The following PRKN variants were observed in gnomAD, a reference collection of about 807,000 sequenced individuals.
The protein encoded by PRKN is E3 ubiquitin-protein ligase parkin.
A neutral mutation model predicts 59.5 loss-of-function variants in PRKN; 56 were observed. The observed-to-expected ratio is 0.94, with a 90% CI of 0.76 to 1.18. The LOEUF is 1.18. PRKN is among the 50% of genes most tolerant of loss of function. The pLI is 0.00. For synonymous variants in PRKN, 250 were observed against 222.1 expected, an observed-to-expected ratio of 1.13 and a Z score of -1.12; for missense variants, 657 against 596.4, an observed-to-expected ratio of 1.10 and a Z score of -1.06.
At chr6:162,094,603 G>C (rs1425289204) in intron 4 of PRKN, among the ~76,000 whole-genome samples, 1 of 152,102 alleles carries the variant, frequency 6.6e-6, no homozygotes, top group Non-Finnish European at 1.5e-5. Context: ...GAAGGACTTT[G>C]AATGTTTCTC....
intron 6 of PRKN, among the ~76,000 whole-genome samples, chr6:161,822,118 TA>T (rs1432508974): frequency 1.9e-5 from 2 of 107,488 alleles, no homozygotes; most frequent in Admixed American, 1.7e-4. Flanking sequence ...TGTTCTCTAA[TA>T]TTCACTCACT....
In PRKN at chr6:161,498,279, G is replaced by C. The variant is rs974718618; in HGVS notation, c.1083+50575C>G. Reference sequence around the variant, plus strand: ...TATTAATTAATAAATGGAATATTTAGCTTTTTATAATTAGTGTTTGTATTT... The same window carrying C: ...TATTAATTAATAAATGGAATATTTACCTTTTTATAATTAGTGTTTGTATTT... On this transcript the variant is annotated intron_variant, in intron 9 of 11. Transcript: ENST00000366898. This position sits in a 1 kb window ranked among gnomAD's most constrained non-coding sequence, Gnocchi z 4.2. Among the ~76,000 whole-genome samples, 4 of 152,062 alleles carry C rather than the reference G, an allele frequency of 2.6e-5. No homozygotes were observed. Among genetic ancestry groups the C allele is most frequent in the Admixed American group, 1.3e-4 (2 of 15,256 alleles).
At chr6:161,631,793 A>ACACCCC (rs151114616) in intron 7 of PRKN, among the ~76,000 whole-genome samples, 6 of 147,186 alleles carry the variant, frequency 4.1e-5, no homozygotes, top group Admixed American at 1.3e-4. Flanking sequence ...ACACACACAC[A>ACACCCC]CCCCACACAC....
chr6:161,931,851 G>A (rs1436533845), intron 6 of PRKN, among the ~76,000 whole-genome samples: 1 of 152,150 alleles, frequency 6.6e-6, no homozygotes, highest in Non-Finnish European at 1.5e-5. Flanking sequence ...TAAAATGTTG[G>A]AGGAGAATTT....
At position 161,400,942 on chromosome 6, in the gene PRKN, G is replaced by T. The variant is rs956533713; in HGVS notation, c.1084-14065C>A. 5.3e-5 allele frequency among the ~76,000 whole-genome samples: 8 copies of T among 152,258 alleles called. No individual in the cohort carries two copies. Among genetic ancestry groups the T allele is most frequent in the Admixed American group, 4.6e-4 (7 of 15,294 alleles). ...ACACTTTGTCAAATCTTGGACCAGG[G>T]ACAGATAGCGTCCAGGCCATTACTC... is the stretch of plus-strand genomic sequence containing the variant. On this transcript the variant is annotated intron_variant, in intron 9 of 11. Coordinates refer to ENST00000366898, the MANE Select transcript of PRKN (RefSeq NM_004562.3). The surrounding 1 kb of genome is among the most constrained non-coding windows in gnomAD (Gnocchi z 4.2).
At chr6:162,656,275 C>T (rs897899408) in intron 1 of PRKN, among the ~76,000 whole-genome samples, 1 of 152,174 alleles carries the variant, frequency 6.6e-6, no homozygotes, top group African/African-American at 2.4e-5. Flanking sequence ...ACTTTTAAGT[C>T]AAATTGTTGA....
intron 7 of PRKN, among the ~76,000 whole-genome samples, chr6:161,732,161 G>A (rs1476166329): frequency 3.3e-5 from 5 of 150,776 alleles, no homozygotes; most frequent in South Asian, 4.2e-4. Flanking sequence ...ATCTCAGCAC[G>A]CTGGAACCTC....
chr6:162,359,631 T>A (rs1440201644), intron 2 of PRKN, among the ~76,000 whole-genome samples: 7 of 152,114 alleles, frequency 4.6e-5, no homozygotes, highest in African/African-American at 9.7e-5. Context: ...AGTGATCTTA[T>A]TTCCTGCATT....
At chr6:161,755,643 A>G (rs899693910) in intron 7 of PRKN, among the ~76,000 whole-genome samples, 4 of 152,154 alleles carry the variant, frequency 2.6e-5, no homozygotes, top group African/African-American at 9.7e-5. Flanking sequence ...CATTACTTTC[A>G]TTATGAAACA....
chr6:162,535,965 A>T (rs1305066876), intron 1 of PRKN, among the ~76,000 whole-genome samples: 3 of 152,040 alleles, frequency 2.0e-5, no homozygotes, highest in Admixed American at 6.6e-5. Flanking sequence ...GATGTACTGA[A>T]AACCATCTCC....
At chr6:161,863,367 C>A (rs1029505559) in intron 6 of PRKN, among the ~76,000 whole-genome samples, 6 of 150,850 alleles carry the variant, frequency 4.0e-5, no homozygotes, top group Non-Finnish European at 8.8e-5. Context: ...GTTGTGTATA[C>A]GTTTTTAAAT....
rs1777416821 is a variant in PRKN, at chr6:161,488,432, G to A, written c.1083+60422C>T. On this transcript the variant is annotated intron_variant, in intron 9 of 11. Transcript: ENST00000366898. This position sits in a 1 kb window ranked among gnomAD's most constrained non-coding sequence, Gnocchi z 4.5. ...TAAATTATAATGGAATTTAAGTAATGTTCACAGAGGAGCAGAGAAGATAAC... is the reference window on the plus strand; with the variant it reads ...TAAATTATAATGGAATTTAAGTAATATTCACAGAGGAGCAGAGAAGATAAC... 6.6e-6 allele frequency among the ~76,000 whole-genome samples: 1 copy of A among 152,166 alleles called. No individual in the cohort carries two copies. Among genetic ancestry groups the A allele is most frequent in the Non-Finnish European group, 1.5e-5 (1 of 68,034 alleles).
At chr6:162,062,732 C>T (rs530939180) in intron 4 of PRKN, among the ~76,000 whole-genome samples, 13 of 152,292 alleles carry the variant, frequency 8.5e-5, no homozygotes, top group Admixed American at 8.5e-4. Flanking sequence ...ATTGTTTACG[C>T]TTTCCAGTCT....
At chr6:162,686,193 G>A (rs1039826912) in intron 1 of PRKN, among the ~76,000 whole-genome samples, 1 of 152,150 alleles carries the variant, frequency 6.6e-6, no homozygotes, top group Non-Finnish European at 1.5e-5. Context: ...TATATTTTAA[G>A]TAAAACTTCA....
chr6:162,169,266 G>A (rs1783143723), intron 4 of PRKN, among the ~76,000 whole-genome samples: 1 of 152,204 alleles, frequency 6.6e-6, no homozygotes, highest in Non-Finnish European at 1.5e-5. Context: ...TTTATTAGCT[G>A]AGGGACTTCA....
chr6:162,547,989 G>A (rs1779183600), intron 1 of PRKN, among the ~76,000 whole-genome samples: 1 of 152,152 alleles, frequency 6.6e-6, no homozygotes, highest in South Asian at 2.1e-4. Context: ...AAAGTCAGCA[G>A]GGATCGAGAC....
intron 7 of PRKN, among the ~76,000 whole-genome samples, chr6:161,608,301 C>A (rs1295430970): frequency 2.0e-5 from 3 of 152,010 alleles, no homozygotes; most frequent in Non-Finnish European, 4.4e-5. Flanking sequence ...AATGAAAAAA[C>A]CAAGTCAATC....
chr6:161,826,482 T>C (rs1186991247), intron 6 of PRKN, among the ~76,000 whole-genome samples: 1 of 152,190 alleles, frequency 6.6e-6, no homozygotes, highest in Non-Finnish European at 1.5e-5. Flanking sequence ...AGAAAACCCA[T>C]TAATGTACAA....
chr6:162,704,636 G>A (rs1273892839), intron 1 of PRKN, among the ~76,000 whole-genome samples: 3 of 152,114 alleles, frequency 2.0e-5, no homozygotes, highest in Non-Finnish European at 4.4e-5. Flanking sequence ...TTTAGTTAAT[G>A]TTACAATTTA....
Sources: allele counts gnomAD v4.1 joint callset (sites outside exome capture counted in the v4.1 genomes callset), GRCh38; gene constraint gnomAD v4.1.1; non-coding constraint Gnocchi (gnomAD v3.1); transcripts MANE v1.5; gene names NCBI Gene and HGNC (gene_info 2026-07-23, HGNC 2026-07-21).